TNRC6B: variants seen among roughly 807,000 people sequenced by gnomAD.
TNRC6B encodes trinucleotide repeat-containing gene 6B protein.
In TNRC6B, 52 loss-of-function variants were observed where a neutral mutation model predicts 203.6. That is an observed-to-expected ratio of 0.26 (90% confidence interval 0.20 to 0.32). The LOEUF (loss-of-function observed/expected upper bound fraction) is 0.32. Ranked by LOEUF, TNRC6B falls within the 10% of genes least tolerant of loss-of-function variation. The probability of loss-of-function intolerance (pLI) is 1.00; values close to 1 mark genes in which losing one functional copy is unlikely to be tolerated. For synonymous variants in TNRC6B, 838 were observed against 845.7 expected (o/e 0.99, Z 0.16); for missense variants, 1,923 against 2,286.2 (o/e 0.84, Z 3.24).
intron 6 of TNRC6B, among the ~76,000 whole-genome samples, chr22:40,272,975 A>G (rs2070585113): frequency 6.6e-6 from 1 of 152,206 alleles, no homozygotes; most frequent in South Asian, 2.1e-4. Context: ...AGCAAGCTAG[A>G]CAGTTGTCCT....
chr22:40,244,678 T>C (rs559829154), intron 1 of TNRC6B, among the ~76,000 whole-genome samples: 2 of 152,332 alleles, frequency 1.3e-5, no homozygotes, highest in East Asian at 1.9e-4. Context: ...CTCAGCCTTA[T>C]GCTAGGTGAT....
At chr22:40,296,862 A>G (rs2070951455) in intron 12 of TNRC6B, among the ~76,000 whole-genome samples, 1 of 152,042 alleles carries the variant, frequency 6.6e-6, no homozygotes, top group Admixed American at 6.6e-5. Flanking sequence ...TCCTGGCCTC[A>G]AGTGATCTCC....
At position 40,335,495 on chromosome 22, in the gene TNRC6B, T is replaced by C. The variant is rs1601533449; in HGVS notation, c.*12254T>C. 1 of 148,510 alleles carries C rather than the reference T, an allele frequency of 6.7e-6. No homozygotes were observed. The highest frequency in any genetic ancestry group is 2.1e-4 in the South Asian group (1 of 4,758). 9.2% of individuals were successfully genotyped at this position (148,510 alleles called of 1,614,324 possible). ...TGGATTTCAAAAAAAAAAAAAAAAG[T>C]ATCAAAAACAAAAAAAACTAAAGGG... On this transcript the variant is annotated 3_prime_UTR_variant, in exon 23 of 23. Coordinates refer to ENST00000454349, the MANE Select transcript of TNRC6B (RefSeq NM_001162501.2).
chr22:40,251,328 A>G (rs2070189813), intron 3 of TNRC6B, 128 bp downstream of exon 3: 2 of 660,974 alleles, frequency 3.0e-6, no homozygotes, highest in Non-Finnish European at 4.8e-6. Context: ...GGTTGTTTGC[A>G]GTCACTGAGG....
At chr22:40,125,696 T>A in intron 2 of TNRC6B, 2 of 933,422 alleles carry the variant, frequency 2.1e-6, no homozygotes, top group Non-Finnish European at 3.2e-6. Flanking sequence ...TTGAGAGAAT[T>A]TCAGTCTAAA....
chr22:40,298,742 G>C (rs547737062), intron 12 of TNRC6B, among the ~76,000 whole-genome samples: 1 of 151,690 alleles, frequency 6.6e-6, no homozygotes, highest in East Asian at 2.0e-4. Flanking sequence ...CGAGGCGGGC[G>C]GATCATGAGG....
chr22:40,277,281 A>G (rs1353592858), intron 8 of TNRC6B, 130 bp downstream of exon 8: 1 of 584,378 alleles, frequency 1.7e-6, no homozygotes, highest in East Asian at 3.2e-5. Flanking sequence ...AATGTTCTTG[A>G]CCTTTTGAGT....
intron 4 of TNRC6B, among the ~76,000 whole-genome samples, chr22:40,163,050 C>T (rs977219760): frequency 1.9e-4 from 29 of 152,028 alleles, no homozygotes; most frequent in African/African-American, 6.8e-4. Flanking sequence ...GTCTCAGAAT[C>T]GTAATAAATT....
At chr22:40,159,353 G>A (rs1002962394) in intron 4 of TNRC6B, among the ~76,000 whole-genome samples, 4 of 149,226 alleles carry the variant, frequency 2.7e-5, no homozygotes, top group Non-Finnish European at 5.9e-5. Context: ...ATAAAGGTGA[G>A]ACCTGGCCAG....
At chr22:40,066,076 G>C (rs928654463) in intron 1 of TNRC6B, among the ~76,000 whole-genome samples, 2 of 151,878 alleles carry the variant, frequency 1.3e-5, no homozygotes, top group Non-Finnish European at 2.9e-5. Flanking sequence ...CTGATTCCTT[G>C]GCCTTTTCAG....
chr22:40,292,714 C>T (rs929690020), intron 12 of TNRC6B, among the ~76,000 whole-genome samples: 4 of 152,188 alleles, frequency 2.6e-5, no homozygotes, highest in African/African-American at 9.7e-5. Flanking sequence ...CCTAGTGGCG[C>T]TTTTCCCTGG....
intron 1 of TNRC6B, among the ~76,000 whole-genome samples, chr22:40,227,701 A>G (rs542179605): frequency 6.6e-6 from 1 of 152,178 alleles, no homozygotes; most frequent in Admixed American, 6.5e-5. Context: ...TTGATGTTGA[A>G]CTGCTAGCAA....
chr22:40,207,832 G>T (rs1392022660), intron 1 of TNRC6B, among the ~76,000 whole-genome samples: 1 of 151,984 alleles, frequency 6.6e-6, no homozygotes, highest in Non-Finnish European at 1.5e-5. Flanking sequence ...GAAAATACCG[G>T]CCAGGAGCAG....
intron 4 of TNRC6B, among the ~76,000 whole-genome samples, chr22:40,158,730 T>C (rs2068842525): frequency 1.3e-5 from 2 of 152,224 alleles, no homozygotes; most frequent in African/African-American, 2.4e-5. Flanking sequence ...AATTCTGTTC[T>C]ATTTCTGTTT....
chr22:40,281,780 G>A (rs2070724200), intron 11 of TNRC6B, among the ~76,000 whole-genome samples: 1 of 152,136 alleles, frequency 6.6e-6, no homozygotes, highest in South Asian at 2.1e-4. Flanking sequence ...CCCGGAGAAG[G>A]GTAACTTTAA....
Position 40,156,163 on chromosome 22 carries a change from C to T in TNRC6B, c.94C>T (p.Pro32Ser), listed in dbSNP as rs1459596681. 3.8e-6 allele frequency: 6 copies of T among 1,577,472 alleles called. No individual in the cohort carries two copies. The South Asian group carries it at 4.7e-5, about 12-fold the overall frequency. The change falls in exon 4 of 24, where the codon CCT (proline) becomes TCT (serine). Residue 32 changes from proline to serine, a missense_variant. Pro to Ser is a moderately conservative substitution (Grantham distance 74). Coordinates refer to the TNRC6B transcript ENST00000301923. Reference sequence around the variant, plus strand: ...GGAAGGGCATGGCAAGACTCCACCTCCTGGTGAAGAAAGCAAACAGTGAGT... The same window carrying T: ...GGAAGGGCATGGCAAGACTCCACCTTCTGGTGAAGAAAGCAAACAGTGAGT...
intron 1 of TNRC6B, among the ~76,000 whole-genome samples, chr22:40,078,216 T>C (rs1477277812): frequency 1.3e-5 from 2 of 152,256 alleles, no homozygotes; most frequent in African/African-American, 2.4e-5. Context: ...AAGGAGTTTT[T>C]CAGTTTCTTA....
At chr22:40,296,089 A>G (rs1051662607) in intron 12 of TNRC6B, among the ~76,000 whole-genome samples, 1 of 152,126 alleles carries the variant, frequency 6.6e-6, no homozygotes, top group South Asian at 2.1e-4. Flanking sequence ...CCTCTTTACT[A>G]CCAACAAAGC....
intron 3 of TNRC6B, among the ~76,000 whole-genome samples, chr22:40,130,780 A>C (rs5995818): frequency 0.047 from 3,039 of 64,204 alleles, 16 homozygotes; most frequent in African/African-American, 0.31. Context: ...GACTCCGTCT[A>C]AAAAAAAAAA....
Sources: gnomAD v4.1 joint callset for allele counts (sites outside exome capture counted in the v4.1 genomes callset) on GRCh38, gnomAD v4.1.1 for gene constraint, MANE v1.5 for transcripts, NCBI Gene and HGNC (gene_info 2026-07-23, HGNC 2026-07-21) for gene names.